Variants in NAALADL2 observed in about 807,000 individuals in gnomAD.
NAALADL2 encodes inactive N-acetylated-alpha-linked acidic dipeptidase-like protein 2.
Under a neutral mutation model 87.2 loss-of-function variants are expected in NAALADL2, and 76 were observed. The observed-to-expected ratio is 0.87, with a 90% confidence interval of 0.72 to 1.05. The LOEUF (loss-of-function observed/expected upper bound fraction) is 1.05, where lower values mean the gene tolerates loss of function less well. NAALADL2 is among the 50% of genes least tolerant of loss of function. The probability of loss-of-function intolerance (pLI) is 0.00; values close to 1 mark genes in which losing one functional copy is unlikely to be tolerated. For missense variants in NAALADL2, 1,089 were observed against 945.8 expected (o/e 1.15, Z -1.99); for synonymous variants, 354 against 331.0 (o/e 1.07, Z -0.75).
intron 1 of NAALADL2, among the ~76,000 whole-genome samples, chr3:174,479,113 A>G (rs1157214836): frequency 1.3e-5 from 2 of 152,204 alleles, no homozygotes; most frequent in Non-Finnish European, 2.9e-5. Flanking sequence ...TTATACTAAG[A>G]TGAAACAAAT....
intron 2 of NAALADL2, among the ~76,000 whole-genome samples, chr3:174,586,712 A>G (rs879355887): frequency 6.6e-6 from 1 of 152,198 alleles, no homozygotes. Context: ...TGAGTTGGCC[A>G]TACTTGAAAC....
chr3:175,606,523 T>C lies in NAALADL2; in HGVS notation c.1801-20768T>C, dbSNP rs528234830. On this transcript the variant is annotated intron_variant, in intron 10 of 13. Coordinates refer to ENST00000454872, the MANE Select transcript of NAALADL2 (RefSeq NM_207015.3). ...TATTTTCTTTAAGCTTAAATTCACC[T>C]AAAATATACATAATATTTGAGGTGT... is the stretch of plus-strand genomic sequence containing the variant. 3.3e-5 allele frequency among the ~76,000 whole-genome samples: 5 copies of C among 152,248 alleles called. No individual in the cohort carries two copies. In the South Asian group the frequency reaches 6.2e-4, roughly 19 times the overall value.
intron 2 of NAALADL2, among the ~76,000 whole-genome samples, chr3:175,226,732 C>G (rs1744212674): frequency 6.6e-6 from 1 of 151,982 alleles, no homozygotes; most frequent in Admixed American, 6.6e-5. Flanking sequence ...AACAAGAAAC[C>G]ATTGTTTCAT....
At chr3:175,335,805 A>G (rs1761912002) in intron 5 of NAALADL2, among the ~76,000 whole-genome samples, 1 of 152,212 alleles carries the variant, frequency 6.6e-6, no homozygotes, top group Non-Finnish European at 1.5e-5. Flanking sequence ...AAAAAAATTG[A>G]ATCTCTGGAA....
chr3:175,219,999 A>T (rs1743114412), intron 2 of NAALADL2, among the ~76,000 whole-genome samples: 1 of 151,516 alleles, frequency 6.6e-6, no homozygotes, highest in Non-Finnish European at 1.5e-5. Context: ...AACTTAGGGA[A>T]ATAATCTTTC....
At chr3:175,105,060 C>T (rs552110758) in intron 2 of NAALADL2, among the ~76,000 whole-genome samples, 1 of 152,230 alleles carries the variant, frequency 6.6e-6, no homozygotes, top group South Asian at 2.1e-4. Flanking sequence ...ACAGTGGGGC[C>T]TTTGACTGCA....
intron 1 of NAALADL2, among the ~76,000 whole-genome samples, chr3:175,002,138 C>A (rs1421626714): frequency 6.6e-6 from 1 of 151,934 alleles, no homozygotes; most frequent in African/African-American, 2.4e-5. Context: ...AATTTAGGTA[C>A]TTTTTTTTGT....
intron 5 of NAALADL2, among the ~76,000 whole-genome samples, chr3:175,423,028 A>AAAAAAATATATAT (rs1438736874): frequency 1.2e-3 from 129 of 111,250 alleles, no homozygotes; most frequent in African/African-American, 4.9e-3. Flanking sequence ...GAAAAAAAAA[A>AAAAAAATATATAT]ATATATATAT....
In NAALADL2 at chr3:174,654,526, T is replaced by C. The variant is rs914385524; in HGVS notation, c.-114-83115T>C. On this transcript the variant is annotated intron_variant, in intron 2 of 3. Transcript: ENST00000434257. ...GATAGATGAGATCTGGCAAAAAAAA[T>C]CTTTATATTTTAGTAAGCATGTCAG... 3.3e-5 allele frequency among the ~76,000 whole-genome samples: 5 copies of C among 151,884 alleles called. No homozygotes were observed. The East Asian group carries it at 7.8e-4, about 24-fold the overall frequency.
At chr3:174,780,435 C>A (rs1715809087) in intron 3 of NAALADL2, among the ~76,000 whole-genome samples, 1 of 152,122 alleles carries the variant, frequency 6.6e-6, no homozygotes, top group South Asian at 2.1e-4. Context: ...CAAACAGAGA[C>A]AATTTGACCT....
chr3:175,157,168 T>C (rs1309682375), intron 2 of NAALADL2, among the ~76,000 whole-genome samples: 3 of 152,134 alleles, frequency 2.0e-5, no homozygotes, highest in African/African-American at 7.2e-5. Context: ...AACATACTTA[T>C]ATTAACCTTG....
At chr3:175,516,672 C>G (rs145704125) in intron 9 of NAALADL2, among the ~76,000 whole-genome samples, 1 of 152,252 alleles carries the variant, frequency 6.6e-6, no homozygotes, top group East Asian at 1.9e-4. Flanking sequence ...TAGAAATGGA[C>G]ACAATTTGAA....
At chr3:174,585,834 A>T (rs935712774) in intron 2 of NAALADL2, among the ~76,000 whole-genome samples, 4 of 152,196 alleles carry the variant, frequency 2.6e-5, no homozygotes, top group Admixed American at 1.3e-4. Context: ...TTAAGAGCAC[A>T]GACTCTGGAG....
At chr3:174,775,498 A>G (rs1308825509) in intron 3 of NAALADL2, among the ~76,000 whole-genome samples, 1 of 152,210 alleles carries the variant, frequency 6.6e-6, no homozygotes, top group Non-Finnish European at 1.5e-5. Context: ...CTGCTGAAAA[A>G]TATTACAAAT....
intron 4 of NAALADL2, among the ~76,000 whole-genome samples, chr3:175,321,936 C>T (rs1477142255): frequency 6.7e-6 from 1 of 150,334 alleles, no homozygotes; most frequent in South Asian, 2.1e-4. Context: ...AGATTCAATG[C>T]CATCCCCATC....
chr3:175,233,695 C>G lies in NAALADL2; in HGVS notation c.546-236C>G, dbSNP rs558487872. Among the ~76,000 whole-genome samples the G allele has an allele frequency of 2.6e-5, 4 of 152,214 alleles. No individual in the cohort carries two copies. The South Asian group carries it at 6.2e-4, about 24-fold the overall frequency. On this transcript the variant is annotated intron_variant, in intron 2 of 13. Transcript: ENST00000454872. ...TTAAGCGATCCTCCCTCCTTAGCAT[C>G]CTAAAGTTCTGGGATCACAGGCATG...
At chr3:175,336,347 C>T (rs1215276135) in intron 5 of NAALADL2, among the ~76,000 whole-genome samples, 6 of 152,140 alleles carry the variant, frequency 3.9e-5, no homozygotes, top group South Asian at 2.1e-4. Flanking sequence ...TATCTAACCA[C>T]GGAGTCATTT....
intron 13 of NAALADL2, among the ~76,000 whole-genome samples, chr3:175,760,698 C>T (rs758182349): frequency 2.1e-4 from 32 of 152,096 alleles, no homozygotes; most frequent in Non-Finnish European, 4.6e-4. Flanking sequence ...AGGCAGTGCT[C>T]TACCACTCCT....
At chr3:174,493,735 T>C (rs937815861) in intron 1 of NAALADL2, among the ~76,000 whole-genome samples, 2 of 152,218 alleles carry the variant, frequency 1.3e-5, no homozygotes, top group African/African-American at 4.8e-5. Flanking sequence ...TACATATCTT[T>C]TCATTCATTC....
Sources: allele counts gnomAD v4.1 joint callset (sites outside exome capture counted in the v4.1 genomes callset), GRCh38; gene constraint gnomAD v4.1.1; transcripts MANE v1.5; gene names NCBI Gene and HGNC (gene_info 2026-07-23, HGNC 2026-07-21).